Variants in PPP2R2D observed in about 807,000 individuals in gnomAD.
PPP2R2D encodes protein phosphatase 2 regulatory subunit Bdelta.
In PPP2R2D, 9 loss-of-function variants were observed where a neutral mutation model predicts 31.1. That is an observed-to-expected ratio of 0.29 (90% CI 0.17 to 0.51). PPP2R2D has a LOEUF of 0.51. Among genes scored for constraint, PPP2R2D ranks in the 20% least tolerant of loss-of-function variants. The pLI, the probability that PPP2R2D is intolerant of heterozygous loss-of-function variation, is 0.98. For missense variants in PPP2R2D, 391 were observed against 465.6 expected (o/e 0.84, Z 1.48); for synonymous variants, 179 against 172.6 (o/e 1.04, Z -0.29).
intron 2 of PPP2R2D, chr10:131,912,123 A>G (rs1026317372): frequency 4.2e-4 from 64 of 152,316 alleles, no homozygotes; most frequent in African/African-American, 1.5e-3. Flanking sequence ...CAAATGTGGA[A>G]TCTTATTCTA....
At chr10:131,940,253 T>C (rs2036418793) in intron 4 of PPP2R2D, 57 bp downstream of exon 4, 2 of 604,828 alleles carry the variant, frequency 3.3e-6, no homozygotes, top group South Asian at 4.8e-5. Flanking sequence ...TAATTTTCTG[T>C]GTGTGTGTAG....
At position 131,958,646 on chromosome 10, in the gene PPP2R2D, C is replaced by G; in HGVS notation, c.*2683C>G. The G allele has an allele frequency of 4.1e-6, 1 of 242,600 alleles. No individual in the cohort carries two copies. The highest frequency in any genetic ancestry group is 8.1e-6 in the Non-Finnish European group (1 of 123,938). The allele number at this position is 242,600 out of a possible 1,614,324, so 15.0% of individuals were successfully genotyped here. ...GTGGAGATGGAGGTGTGTGCTGATC[C>G]CCCATCCCCCTGTGGAGATGAAGAT... On this transcript the variant is annotated 3_prime_UTR_variant, in exon 9 of 9. Transcript: ENST00000455566.
At chr10:131,917,625 TAGGGACC>T (rs2035841091) in intron 2 of PPP2R2D, among the ~76,000 whole-genome samples, 1 of 127,878 alleles carries the variant, frequency 7.8e-6, no homozygotes, top group African/African-American at 3.1e-5. Context: ...TGACACAGTG[TAGGGACC>T]TCAGGCGGGT....
At chr10:131,932,665 A>AAAAAAAAAAAAAAAAAAAAAAG (rs2036261422) in intron 2 of PPP2R2D, among the ~76,000 whole-genome samples, 1 of 144,346 alleles carries the variant, frequency 6.9e-6, no homozygotes, top group Non-Finnish European at 1.5e-5. Context: ...AAAAAAAAAA[A>AAAAAAAAAAAAAAAAAAAAAAG]AAACACACAA....
Position 131,945,341 on chromosome 10 carries a change from C to A in PPP2R2D, c.702C>A (p.Val234=), listed in dbSNP as rs782380744. The change falls in exon 7 of 9, where the codon GTC becomes GTA. Residue 234 remains valine, a synonymous_variant. Transcript: ENST00000455566. The surrounding 1 kb of genome is among the most constrained non-coding windows in gnomAD (Gnocchi z 4.8). The part of the protein sequence containing the change: ...KPANMEELTE[V]ITAAEFHPHQ... The stretch of plus-strand genomic sequence containing the variant: ...CTAACATGGAGGAGCTGACCGAAGT[C>A]ATCACTGCAGCCGAGTTCCACCCGC... The A allele has an allele frequency of 1.9e-6, 3 of 1,614,194 alleles. 1 individual carries two copies. Among genetic ancestry groups the A allele is most frequent in the Non-Finnish European group, 2.5e-6 (3 of 1,180,020 alleles).
intron 2 of PPP2R2D, among the ~76,000 whole-genome samples, chr10:131,918,790 G>C (rs1350255169): frequency 3.4e-5 from 5 of 147,246 alleles, no homozygotes; most frequent in African/African-American, 1.3e-4. Context: ...GTGTTTGTAG[G>C]GACCTCACGC....
intron 3 of PPP2R2D, among the ~76,000 whole-genome samples, chr10:131,936,435 CA>C (rs1233224243): frequency 6.6e-6 from 1 of 152,134 alleles, no homozygotes; most frequent in East Asian, 1.9e-4. Context: ...CATGGGCCAC[CA>C]CGCCTGGCCA....
chr10:131,902,701 G>A (rs1838591532), intron 2 of PPP2R2D, among the ~76,000 whole-genome samples: 1 of 152,108 alleles, frequency 6.6e-6, no homozygotes, highest in Non-Finnish European at 1.5e-5. Context: ...AACTTGTTTG[G>A]GAGTAGGAAA....
intron 2 of PPP2R2D, among the ~76,000 whole-genome samples, chr10:131,921,028 T>A (rs1168216773): frequency 6.6e-6 from 1 of 152,210 alleles, no homozygotes; most frequent in Non-Finnish European, 1.5e-5. Flanking sequence ...AGAGAAACAT[T>A]AGCAGCTTTG....
chr10:131,961,949 C>T (rs545204627), downstream of PPP2R2D, among the ~76,000 whole-genome samples: 1 of 152,310 alleles, frequency 6.6e-6, no homozygotes, highest in Non-Finnish European at 1.5e-5. Context: ...AATAAACACA[C>T]CCCTGTGCCA....
chr10:131,943,974 A>G lies in PPP2R2D; in HGVS notation c.484A>G (p.Ile162Val), dbSNP rs369534966. 3.5e-5 allele frequency: 32 copies of G among 905,984 alleles called. No homozygotes were observed. The East Asian group carries it at 4.3e-4, about 12-fold the overall frequency. The allele number at this position is 905,984 out of a possible 1,614,324, so 56.1% of individuals were successfully genotyped here. A position where few individuals can be genotyped will look rare whatever the true frequency, so the allele number is the denominator to read the frequency against. ...PFRITALRVP[I>V]LKPMDLMVEA... ...TATTTCCTTCCATTTTTAGGTCCCA[A>G]TATTGAAGCCCATGGATCTTATGGT... Residue 162 changes from isoleucine (I) to valine (V), a missense_variant, in exon 6 of 9, where the codon ATA becomes GTA. Transcript: ENST00000455566.
At chr10:131,965,903 G>C in the PPP2R2D span, among the ~76,000 whole-genome samples, 1 of 152,212 alleles carries the variant, frequency 6.6e-6, no homozygotes, top group Non-Finnish European at 1.5e-5. Flanking sequence ...TGGTGCATGA[G>C]TGGCAAAGCA....
intron 2 of PPP2R2D, among the ~76,000 whole-genome samples, chr10:131,907,898 G>A (rs2035623127): frequency 6.6e-6 from 1 of 152,208 alleles, no homozygotes; most frequent in Non-Finnish European, 1.5e-5. Flanking sequence ...CACGTTCCCT[G>A]ATTTTAAGCA....
the PPP2R2D span, chr10:131,971,013 G>A: frequency 7.2e-5 from 113 of 1,575,282 alleles, no homozygotes; most frequent in African/African-American, 1.3e-3. Flanking sequence ...TGTACCACAC[G>A]TGACACGGGA....
intron 5 of PPP2R2D, among the ~76,000 whole-genome samples, chr10:131,941,826 G>C (rs1253871114): frequency 6.6e-6 from 1 of 152,168 alleles, no homozygotes; most frequent in African/African-American, 2.4e-5. Flanking sequence ...AGTGTCCTCA[G>C]ACTTCTCACA....
At chr10:131,903,066 A>G (rs1412383124) in intron 2 of PPP2R2D, among the ~76,000 whole-genome samples, 4 of 149,122 alleles carry the variant, frequency 2.7e-5, no homozygotes, top group Non-Finnish European at 6.0e-5. Context: ...TCTTTACTTA[A>G]AAAAAAAAAA....
intron 3 of PPP2R2D, chr10:131,939,694 G>A (rs574532118): frequency 3.5e-4 from 58 of 166,750 alleles, no homozygotes; most frequent in African/African-American, 1.2e-3. Context: ...GGCTGAATTC[G>A]GCAGACCTGC....
At chr10:131,936,926 G>C (rs1033955798) in intron 3 of PPP2R2D, among the ~76,000 whole-genome samples, 3 of 152,246 alleles carry the variant, frequency 2.0e-5, no homozygotes, top group Non-Finnish European at 4.4e-5. Flanking sequence ...CTGTGGACTT[G>C]AGTGTGTCTG....
In PPP2R2D at chr10:131,931,140, G is replaced by A. The variant is rs565111922; in HGVS notation, c.101-3318G>A. On this transcript the variant is annotated intron_variant, in intron 2 of 8. Coordinates refer to ENST00000455566, the MANE Select transcript of PPP2R2D (RefSeq NM_018461.5). ...CCCTCTCCTCTCCCCTCCATCAGGC[G>A]GGGATGATGATAGCCCTGCTTCCTG... 4.2e-3 allele frequency among the ~76,000 whole-genome samples: 636 copies of A among 152,252 alleles called. 2 individuals are homozygous for A. The highest frequency in any genetic ancestry group is 5.0e-3 in the Non-Finnish European group (337 of 68,012).
Sources: allele counts gnomAD v4.1 joint callset (sites outside exome capture counted in the v4.1 genomes callset), GRCh38; gene constraint gnomAD v4.1.1; non-coding constraint Gnocchi (gnomAD v3.1); transcripts MANE v1.5; gene names NCBI Gene and HGNC (gene_info 2026-07-23, HGNC 2026-07-21).